The following ZBTB11 variants were observed in gnomAD, a reference collection of about 807,000 sequenced individuals.
The protein encoded by ZBTB11 is zinc finger and BTB domain containing 11.
In ZBTB11, 68 loss-of-function variants were observed where a neutral mutation model predicts 113.1. That is an observed-to-expected ratio of 0.60 (90% CI 0.49 to 0.74). The LOEUF (loss-of-function observed/expected upper bound fraction) is 0.74, where lower values mean the gene tolerates loss of function less well. ZBTB11 is among the 30% of genes least tolerant of loss of function. The pLI is 0.00. For missense variants in ZBTB11, 1,104 were observed against 1,279.4 expected (o/e 0.86, Z 2.09); for synonymous variants, 518 against 452.6 (o/e 1.14, Z -1.83).
At chr3:101,652,989 A>G in intron 8 of ZBTB11, 51 bp from the exon 9 acceptor site, 1 of 1,537,626 alleles carries the variant, frequency 6.5e-7, no homozygotes, top group Non-Finnish European at 8.7e-7. Flanking sequence ...CTTTAAAACA[A>G]GTTTCCAAGA....
rs1487779177 is a variant in ZBTB11, at chr3:101,676,738, G to A, written c.177C>T (p.Phe59=). The change falls in exon 1 of 11, where the codon TTC becomes TTT. Residue 59 remains phenylalanine, a synonymous_variant. Transcript: ENST00000312938. ...YQRRQRHRKT[F]AELEVVLQPE... The stretch of plus-strand genomic sequence containing the variant: ...GCTGCAGCACCACCTCCAGCTCCGC[G>A]AAGGTCTTGCGGTGCCGCTGCCGCC... 1.9e-6 allele frequency: 3 copies of A among 1,605,474 alleles called. No individual in the cohort carries two copies. The highest frequency in any genetic ancestry group is 1.7e-6 in the Non-Finnish European group (2 of 1,176,300).
At chr3:101,670,773 GGCGGGCACCACCA>G (rs1239461035) in intron 3 of ZBTB11, 2 of 196,386 alleles carry the variant, frequency 1.0e-5, no homozygotes, top group African/African-American at 4.7e-5. Context: ...TGGGACTACA[GGCGGGCACCACCA>G]CACCTAGCTT....
chr3:101,662,880 G>GC (rs1425044590), intron 5 of ZBTB11, among the ~76,000 whole-genome samples: 1 of 151,654 alleles, frequency 6.6e-6, no homozygotes, highest in Non-Finnish European at 1.5e-5. Context: ...TTCTGCCTTA[G>GC]CCCCCAACAA....
At chr3:101,665,914 T>G in intron 3 of ZBTB11, 106 bp from the exon 4 acceptor site, 1 of 1,130,196 alleles carries the variant, frequency 8.8e-7, no homozygotes, top group African/African-American at 1.6e-5. Flanking sequence ...TGACCATTTG[T>G]TCTGCAACTA....
intron 8 of ZBTB11, 62 bp from the exon 9 acceptor site, chr3:101,653,000 A>G: frequency 1.3e-6 from 2 of 1,514,564 alleles, no homozygotes; most frequent in Non-Finnish European, 1.8e-6. Context: ...GTTTCCAAGA[A>G]CTCAGTAACT....
rs1395154286 is a variant in ZBTB11 at position 101,676,925 on chromosome 3, G to T, written c.-11C>A. 3.2e-6 allele frequency: 5 copies of T among 1,552,828 alleles called. No individual in the cohort carries two copies. The highest frequency in any genetic ancestry group is 3.5e-6 in the Non-Finnish European group (4 of 1,145,678). On this transcript the variant is annotated 5_prime_UTR_variant, in exon 1 of 11. Transcript: ENST00000312938. Reference sequence around the variant, plus strand: ...TTCCTCGCTTGACATCGCGGACCGCGGCTCCCTGAGGGCGCCTGTCAGGGA... The same window carrying T: ...TTCCTCGCTTGACATCGCGGACCGCTGCTCCCTGAGGGCGCCTGTCAGGGA...
chr3:101,674,826 TAGAAAA>T (rs1212128906), intron 1 of ZBTB11, among the ~76,000 whole-genome samples: 6 of 151,934 alleles, frequency 3.9e-5, no homozygotes, highest in South Asian at 2.1e-4. Context: ...ATAATGAACT[TAGAAAA>T]AGAAAAATTC....
chr3:101,665,651 T>C lies in ZBTB11; in HGVS notation c.936A>G (p.Glu312=). 6.2e-7 allele frequency: 1 copy of C among 1,614,236 alleles called. No individual in the cohort carries two copies. The highest frequency in any genetic ancestry group is 8.5e-7 in the Non-Finnish European group (1 of 1,180,034). ...EICESVHKLM[E]EKQLTVYKKG... The stretch of plus-strand genomic sequence containing the variant: ...TCTTATATACTGTTAGCTGCTTCTC[T>C]TCCATTAGCTTATGTACACTTTCAC... Residue 312 remains glutamate (E), a synonymous_variant, in exon 4 of 11, where the codon GAA becomes GAG. Transcript: ENST00000312938.
intron 3 of ZBTB11, among the ~76,000 whole-genome samples, chr3:101,667,445 A>G (rs1937015298): frequency 6.6e-6 from 1 of 152,186 alleles, no homozygotes; most frequent in African/African-American, 2.4e-5. Flanking sequence ...AGATTTTTAA[A>G]TATACAATTG....
At chr3:101,671,616 T>C (rs949176781) in intron 2 of ZBTB11, 2 of 576,288 alleles carry the variant, frequency 3.5e-6, no homozygotes, top group African/African-American at 3.7e-5. Context: ...AATATGATGA[T>C]GTATGAAACT....
intron 3 of ZBTB11, among the ~76,000 whole-genome samples, chr3:101,667,691 C>T (rs1415690655): frequency 1.3e-5 from 2 of 151,966 alleles, no homozygotes; most frequent in African/African-American, 2.4e-5. Flanking sequence ...GACGGAGTTT[C>T]GCTCTTGTTG....
chr3:101,652,194 T>C (rs535297690), intron 10 of ZBTB11, among the ~76,000 whole-genome samples: 1 of 152,188 alleles, frequency 6.6e-6, no homozygotes, highest in Non-Finnish European at 1.5e-5. Context: ...TGCGGACAGA[T>C]GTGATTGAGA....
Position 101,665,309 on chromosome 3 carries a change from T to A in ZBTB11, c.1278A>T (p.Ser426=). Residue 426 remains serine (S), a synonymous_variant, in exon 4 of 11, where the codon TCA becomes TCT. Coordinates refer to ENST00000312938, the MANE Select transcript of ZBTB11 (RefSeq NM_014415.4). ...TKNNQTELET[S]NNRENNTVSN... ...AAACTGTGTTATTTTCTCTGTTGTTTGAAGTTTCTAGTTCTGTCTGGTTGT... is the reference window on the plus strand; with the variant it reads ...AAACTGTGTTATTTTCTCTGTTGTTAGAAGTTTCTAGTTCTGTCTGGTTGT... 6.2e-7 allele frequency: 1 copy of A among 1,614,256 alleles called. No homozygotes were observed.
Position 101,650,635 on chromosome 3 carries a change from G to A in ZBTB11, c.*531C>T, listed in dbSNP as rs930627301. Reference sequence around the variant, plus strand: ...GGGGATAAAATAAATAGTAAGTCAAGAATCACAGATCTAAAGCATTTAAAA... The same window carrying A: ...GGGGATAAAATAAATAGTAAGTCAAAAATCACAGATCTAAAGCATTTAAAA... On this transcript the variant is annotated 3_prime_UTR_variant, in exon 11 of 11. Coordinates refer to ENST00000312938, the MANE Select transcript of ZBTB11 (RefSeq NM_014415.4). 6.6e-6 allele frequency: 1 copy of A among 152,504 alleles called. No individual in the cohort carries two copies. The highest frequency in any genetic ancestry group is 1.5e-5 in the Non-Finnish European group (1 of 68,018). 9.4% of individuals were successfully genotyped at this position (152,504 alleles called of 1,614,324 possible). A position where few individuals can be genotyped will look rare whatever the true frequency, so the allele number is the denominator to read the frequency against.
At chr3:101,672,283 TGCACA>T in intron 1 of ZBTB11, 70 bp from the exon 2 acceptor site, 3 of 1,101,850 alleles carry the variant, frequency 2.7e-6, no homozygotes, top group Non-Finnish European at 3.9e-6. Flanking sequence ...ATTTAGTCTG[TGCACA>T]TTAACACATT....
chr3:101,662,887 A>C (rs1449908330), intron 5 of ZBTB11, among the ~76,000 whole-genome samples: 1 of 151,726 alleles, frequency 6.6e-6, no homozygotes, highest in Non-Finnish European at 1.5e-5. Context: ...TTAGCCCCCA[A>C]CAAATAGCTG....
chr3:101,666,303 G>A (rs970179045), intron 3 of ZBTB11, among the ~76,000 whole-genome samples: 2 of 152,164 alleles, frequency 1.3e-5, no homozygotes, highest in Admixed American at 6.5e-5. Flanking sequence ...TAAGGGAGAG[G>A]TTAGCAACAT....
chr3:101,669,305 C>T (rs1332153605), intron 3 of ZBTB11, among the ~76,000 whole-genome samples: 6 of 152,234 alleles, frequency 3.9e-5, no homozygotes, highest in Non-Finnish European at 8.8e-5. Flanking sequence ...GGATTACTGG[C>T]GTGAGCCACT....
intron 3 of ZBTB11, among the ~76,000 whole-genome samples, chr3:101,669,862 CTT>C (rs948119562): frequency 5.8e-4 from 86 of 147,234 alleles, no homozygotes; most frequent in African/African-American, 2.0e-3. Context: ...GAGTTTTGCT[CTT>C]GTCACCCAGG....
Sources: gnomAD v4.1 joint callset for allele counts (sites outside exome capture counted in the v4.1 genomes callset) on GRCh38, gnomAD v4.1.1 for gene constraint, MANE v1.5 for transcripts, NCBI Gene and HGNC (gene_info 2026-07-23, HGNC 2026-07-21) for gene names.